ASAP1: variants seen among roughly 807,000 people sequenced by gnomAD.
ASAP1 encodes arf-GAP with SH3 domain, ANK repeat and PH domain-containing protein 1.
A neutral mutation model predicts 145.2 loss-of-function variants in ASAP1; 43 were observed. The observed-to-expected ratio is 0.30, with a 90% confidence interval of 0.23 to 0.38. ASAP1 has a LOEUF of 0.38. Among genes scored for constraint, ASAP1 ranks in the 10% least tolerant of loss-of-function variants. ASAP1 has a pLI of 1.00. For synonymous variants in ASAP1, 546 were observed against 515.5 expected, an observed-to-expected ratio of 1.06 and a Z score of -0.80; for missense variants, 1,018 against 1,355.3, an observed-to-expected ratio of 0.75 and a Z score of 3.91.
At position 130,358,464 on chromosome 8, in the gene ASAP1, G is replaced by A. The variant is rs998698361; in HGVS notation, c.60-321C>T. The stretch of plus-strand genomic sequence containing the variant: ...TCCTCAGCGGCGGGGGAGGGGACGC[G>A]GCTGCGCGCGGGGTCTTCGCGGGGG... On this transcript the variant is annotated intron_variant, in intron 2 of 29. Transcript: ENST00000518721. This position sits in a 1 kb window ranked among gnomAD's most constrained non-coding sequence, Gnocchi z 4.1. 6.7e-6 allele frequency among the ~76,000 whole-genome samples: 1 copy of A among 148,426 alleles called. No individual in the cohort carries two copies. Among genetic ancestry groups the A allele is most frequent in the African/African-American group, 2.4e-5 (1 of 41,130 alleles).
rs761952356 is a variant in ASAP1, at chr8:130,115,659, A to G, written c.2141T>C (p.Ile714Thr). The change falls in exon 23 of 30, where the codon ATA (isoleucine) becomes ACA (threonine). Residue 714 changes from isoleucine to threonine, a missense_variant. Around this residue, in one of 9 missense-constraint regions of ASAP1, gnomAD observed 353 missense variants for 375.4 expected, o/e 0.94. Transcript: ENST00000518721. ...EYEWNLRQEE[I>T]DESDDDLDDK... ...ATCCAGATCATCATCGCTCTCATCT[A>G]TCTCCTCCTGTCGAAGATTCCACTC... 6.8e-6 allele frequency: 11 copies of G among 1,614,080 alleles called. No homozygotes were observed. The highest frequency in any genetic ancestry group is 3.3e-5 in the South Asian group (3 of 91,082).
intron 1 of ASAP1, among the ~76,000 whole-genome samples, chr8:130,428,467 C>A (rs76891167): frequency 2.5e-4 from 2 of 8,080 alleles, no homozygotes; most frequent in Non-Finnish European, 7.0e-4. Flanking sequence ...CCATCATCAT[C>A]ACCACCACCA....
intron 3 of ASAP1, among the ~76,000 whole-genome samples, chr8:130,291,448 TGCCACTTCCC>T (rs1821939880): frequency 1.3e-5 from 2 of 152,178 alleles, no homozygotes; most frequent in Admixed American, 1.3e-4. Context: ...AGTCATCTCC[TGCCACTTCCC>T]TCTGAGATGC....
At chr8:130,062,867 G>A (rs1010354286) in intron 27 of ASAP1, among the ~76,000 whole-genome samples, 27 of 152,094 alleles carry the variant, frequency 1.8e-4, no homozygotes, top group South Asian at 8.3e-4. Context: ...CTAGCTACTC[G>A]GGAGACTGAG....
At chr8:130,441,660 C>T (rs2138850344) in intron 1 of ASAP1, among the ~76,000 whole-genome samples, 1 of 152,324 alleles carries the variant, frequency 6.6e-6, no homozygotes, top group Non-Finnish European at 1.5e-5. Flanking sequence ...TGAATGCACA[C>T]ATTCATCTTT....
Position 130,054,605 on chromosome 8 carries a change from C to G in ASAP1, c.*126G>C. ...TTTACAACACACATTATATCCCCCT[C>G]CTGAGGTGGCCCTTCCATGAGTTTC... On this transcript the variant is annotated 3_prime_UTR_variant, in exon 30 of 30. Coordinates refer to ENST00000518721, the MANE Select transcript of ASAP1 (RefSeq NM_018482.4). The G allele has an allele frequency of 1.3e-6, 1 of 768,942 alleles. No individual in the cohort carries two copies. The highest frequency in any genetic ancestry group is 1.7e-5 in the African/African-American group (1 of 58,408). 47.6% of individuals were successfully genotyped at this position (768,942 alleles called of 1,614,324 possible).
rs761803471 is a variant in ASAP1, at chr8:130,127,918, G to A, written c.1381+9C>T. 5 of 1,611,008 alleles carry A rather than the reference G, an allele frequency of 3.1e-6. No individual in the cohort carries two copies. The highest frequency in any genetic ancestry group is 4.2e-6 in the Non-Finnish European group (5 of 1,179,094). ...TTGTAAAAGCTCGTTCAAATATGGG[G>A]ACAAAAACCTGATGAGCCACAATCG... On this transcript the variant is annotated intron_variant, in intron 16 of 29. Transcript: ENST00000518721.
chr8:130,336,953 C>G (rs1825073925), intron 3 of ASAP1, among the ~76,000 whole-genome samples: 1 of 152,102 alleles, frequency 6.6e-6, no homozygotes, highest in Non-Finnish European at 1.5e-5. Flanking sequence ...ATGTCTTGAC[C>G]TTAGTATAAA....
At chr8:130,430,134 A>T (rs970300922) in intron 1 of ASAP1, among the ~76,000 whole-genome samples, 3 of 152,234 alleles carry the variant, frequency 2.0e-5, no homozygotes, top group African/African-American at 7.2e-5. Flanking sequence ...ACAACTCAAA[A>T]AAGCTTCTCG....
At chr8:130,118,085 G>C in intron 20 of ASAP1, 76 bp downstream of exon 20, 2 of 1,255,342 alleles carry the variant, frequency 1.6e-6, no homozygotes, top group Non-Finnish European at 2.3e-6. Flanking sequence ...TCCCGATCTA[G>C]GCCACTGATA....
In ASAP1 at chr8:130,372,668, G is replaced by A. The variant is rs73711686; in HGVS notation, c.60-14525C>T. Among the ~76,000 whole-genome samples, 434 of 152,290 alleles carry A rather than the reference G, an allele frequency of 2.8e-3. 2 individuals carry two copies. The highest frequency in any genetic ancestry group is 8.7e-3 in the African/African-American group (363 of 41,546). On this transcript the variant is annotated intron_variant, in intron 2 of 29. Coordinates refer to ENST00000518721, the MANE Select transcript of ASAP1 (RefSeq NM_018482.4). ...AAAGATTTTTCCACAGTTTTTTTCT[G>A]TAGCTTGATATATCTAATTTTGTAT... is the stretch of plus-strand genomic sequence containing the variant.
At chr8:130,333,251 T>C (rs947254482) in intron 3 of ASAP1, among the ~76,000 whole-genome samples, 1 of 152,262 alleles carries the variant, frequency 6.6e-6, no homozygotes, top group Non-Finnish European at 1.5e-5. Context: ...GTTTTAACTC[T>C]AATCATCTTT....
At chr8:130,219,196 C>CT (rs11324757) in intron 4 of ASAP1, among the ~76,000 whole-genome samples, 4,035 of 146,888 alleles carry the variant, frequency 0.027, 71 homozygotes, top group African/African-American at 0.054. Flanking sequence ...TCTCACATGT[C>CT]TTTTTTTTTT....
chr8:130,233,341 C>T (rs2894508), intron 4 of ASAP1, among the ~76,000 whole-genome samples: 59,997 of 151,982 alleles, frequency 0.39, 12,433 homozygotes, highest in East Asian at 0.64. Context: ...TAGCGATTCA[C>T]TCAACCCTTG....
At chr8:130,057,309 C>T (rs919887831) in intron 29 of ASAP1, among the ~76,000 whole-genome samples, 1 of 152,198 alleles carries the variant, frequency 6.6e-6, no homozygotes, top group Non-Finnish European at 1.5e-5. Context: ...TGAGGGACCA[C>T]AGGCAACATG....
chr8:130,109,869 G>A (rs1257466467), intron 24 of ASAP1, among the ~76,000 whole-genome samples: 1 of 152,220 alleles, frequency 6.6e-6, no homozygotes, highest in Non-Finnish European at 1.5e-5. Flanking sequence ...CCAGCAGACA[G>A]GCCAAATCTC....
At position 130,076,470 on chromosome 8, in the gene ASAP1, T is replaced by C; in HGVS notation, c.2643-64A>G. ...CTAGAATATCAATAGCAAAATATTATTCAAGTAAATCAAATCAAAGGTATT... is the reference window on the plus strand; with the variant it reads ...CTAGAATATCAATAGCAAAATATTACTCAAGTAAATCAAATCAAAGGTATT... On this transcript the variant is annotated intron_variant, in intron 26 of 29. Transcript: ENST00000518721. The C allele has an allele frequency of 3.5e-6, 4 of 1,157,852 alleles. No individual in the cohort carries two copies. The South Asian group carries it at 5.3e-5, about 15-fold the overall frequency. The allele number at this position is 1,157,852 out of a possible 1,614,324, so 71.7% of individuals were successfully genotyped here.
intron 3 of ASAP1, among the ~76,000 whole-genome samples, chr8:130,347,113 C>T (rs909175060): frequency 6.6e-6 from 1 of 152,214 alleles, no homozygotes; most frequent in Non-Finnish European, 1.5e-5. Context: ...CCGAAGACAG[C>T]CAAGTTGCCC....
intron 27 of ASAP1, among the ~76,000 whole-genome samples, chr8:130,068,169 G>T (rs1334066828): frequency 6.6e-6 from 1 of 152,186 alleles, no homozygotes; most frequent in Non-Finnish European, 1.5e-5. Flanking sequence ...GATGCATAAA[G>T]AAATGCAAAC....
Sources: allele counts gnomAD v4.1 joint callset (sites outside exome capture counted in the v4.1 genomes callset), GRCh38; gene constraint gnomAD v4.1.1; regional missense constraint gnomAD v4.1.1; non-coding constraint Gnocchi (gnomAD v3.1); transcripts MANE v1.5; gene names NCBI Gene and HGNC (gene_info 2026-07-23, HGNC 2026-07-21).